STPG2: variants seen among roughly 807,000 people sequenced by gnomAD.
STPG2 encodes sperm-tail PG-rich repeat-containing protein 2.
A neutral mutation model predicts 54.2 loss-of-function variants in STPG2; 56 were observed. The observed-to-expected ratio is 1.03, with a 90% CI of 0.83 to 1.29. The LOEUF is 1.29. Ranked by LOEUF, STPG2 falls within the 50% of genes most tolerant of loss-of-function variation. The probability of loss-of-function intolerance (pLI) is 0.00; values close to 1 mark genes in which losing one functional copy is unlikely to be tolerated. For missense variants in STPG2, 596 were observed against 544.9 expected, an observed-to-expected ratio of 1.09 and a Z score of -0.93; for synonymous variants, 200 against 181.8, an observed-to-expected ratio of 1.10 and a Z score of -0.81.
intron 10 of STPG2, among the ~76,000 whole-genome samples, chr4:97,659,404 T>C (rs1383625314): frequency 6.7e-6 from 1 of 149,044 alleles, no homozygotes; most frequent in African/African-American, 2.5e-5. Flanking sequence ...ATCATTTCAT[T>C]TACAAAAATA....
At chr4:97,577,545 T>C (rs1732753444) in intron 10 of STPG2, among the ~76,000 whole-genome samples, 1 of 152,088 alleles carries the variant, frequency 6.6e-6, no homozygotes, top group Admixed American at 6.6e-5. Flanking sequence ...ACACATGGAC[T>C]TAAACATGGG....
chr4:97,848,877 G>A (rs1054542387), intron 8 of STPG2, among the ~76,000 whole-genome samples: 1 of 150,436 alleles, frequency 6.6e-6, no homozygotes, highest in African/African-American at 2.5e-5. Flanking sequence ...TTTGGTACCA[G>A]TACCATGCTG....
chr4:97,616,131 T>C (rs1179482760), intron 10 of STPG2, among the ~76,000 whole-genome samples: 1 of 39,788 alleles, frequency 2.5e-5, no homozygotes, highest in African/African-American at 4.5e-5. Flanking sequence ...AATAAAGCCA[T>C]GTTAAGTGCA....
intron 5 of STPG2, among the ~76,000 whole-genome samples, chr4:98,005,765 A>G (rs1474529402): frequency 6.6e-6 from 1 of 152,180 alleles, no homozygotes; most frequent in Non-Finnish European, 1.5e-5. Flanking sequence ...ATTTAATTTG[A>G]CTTGATAGTA....
At chr4:97,498,993 G>A (rs1179236139) in intron 4 of STPG2, among the ~76,000 whole-genome samples, 1 of 152,024 alleles carries the variant, frequency 6.6e-6, no homozygotes, top group African/African-American at 2.4e-5. Context: ...CTTAAGGAAT[G>A]ATGAGTCACA....
chr4:97,521,092 T>C (rs1435873934), intron 4 of STPG2, among the ~76,000 whole-genome samples: 1 of 152,072 alleles, frequency 6.6e-6, no homozygotes, highest in Non-Finnish European at 1.5e-5. Context: ...TACTCCACTG[T>C]TTGTTACTAT....
At chr4:98,084,590 T>C (rs1738450303) in intron 5 of STPG2, among the ~76,000 whole-genome samples, 1 of 152,160 alleles carries the variant, frequency 6.6e-6, no homozygotes, top group Non-Finnish European at 1.5e-5. Context: ...GTATGAAGAG[T>C]TCTAGTTGCT....
At chr4:97,903,841 T>C (rs969070029) in intron 8 of STPG2, among the ~76,000 whole-genome samples, 2 of 152,190 alleles carry the variant, frequency 1.3e-5, no homozygotes, top group African/African-American at 4.8e-5. Flanking sequence ...GGGTGACAGA[T>C]GGCACCTGGA....
At chr4:97,579,858 T>C (rs552079110) in intron 10 of STPG2, among the ~76,000 whole-genome samples, 1 of 152,172 alleles carries the variant, frequency 6.6e-6, no homozygotes, top group South Asian at 2.1e-4. Flanking sequence ...GACCAAATCT[T>C]TTATTGAAAC....
intron 4 of STPG2, among the ~76,000 whole-genome samples, chr4:97,465,878 G>T (rs1371398810): frequency 1.3e-5 from 2 of 152,032 alleles, no homozygotes; most frequent in African/African-American, 4.8e-5. Context: ...GAGACAGAGG[G>T]TGAACTGTAA....
chr4:97,568,272 T>C (rs1483969673), intron 10 of STPG2, among the ~76,000 whole-genome samples: 1 of 152,226 alleles, frequency 6.6e-6, no homozygotes, highest in Non-Finnish European at 1.5e-5. Context: ...GGTATTACCA[T>C]CCTGAAACTT....
At chr4:97,800,548 G>A (rs994022733) in intron 9 of STPG2, among the ~76,000 whole-genome samples, 7 of 152,164 alleles carry the variant, frequency 4.6e-5, no homozygotes, top group South Asian at 2.1e-4. Flanking sequence ...TGGAAGCTTC[G>A]TCTCAGAGTG....
At chr4:97,907,548 C>A (rs1731486707) in intron 8 of STPG2, among the ~76,000 whole-genome samples, 2 of 151,906 alleles carry the variant, frequency 1.3e-5, no homozygotes, top group Admixed American at 1.3e-4. Context: ...AAAAAAGAGC[C>A]TACATCGCCA....
chr4:98,052,780 A>G (rs1168245885), intron 5 of STPG2, among the ~76,000 whole-genome samples: 1 of 152,214 alleles, frequency 6.6e-6, no homozygotes, highest in Admixed American at 6.5e-5. Context: ...GCATTGAACC[A>G]ATGACCCATT....
chr4:97,470,083 G>T (rs570152543), intron 4 of STPG2, among the ~76,000 whole-genome samples: 4 of 152,210 alleles, frequency 2.6e-5, no homozygotes, highest in African/African-American at 9.6e-5. Context: ...ATTGTAGATG[G>T]TTTATGCTTA....
intron 4 of STPG2, among the ~76,000 whole-genome samples, chr4:97,458,516 T>TATTC (rs1560617263): frequency 6.6e-6 from 1 of 152,174 alleles, no homozygotes; most frequent in African/African-American, 2.4e-5. Flanking sequence ...ATATAGTATA[T>TATTC]ATTCATTATG....
intron 7 of STPG2, among the ~76,000 whole-genome samples, chr4:97,954,668 C>T (rs1003480785): frequency 2.8e-4 from 42 of 152,198 alleles, no homozygotes; most frequent in Admixed American, 5.9e-4. Context: ...TAAGTAATGG[C>T]AAAAATGTAA....
At chr4:97,943,541 G>A (rs35214820) in intron 8 of STPG2, among the ~76,000 whole-genome samples, 37,130 of 97,192 alleles carry the variant, frequency 0.38, 5,304 homozygotes, top group Middle Eastern at 0.52. Context: ...ATTTCAAGAC[G>A]AATTCCATTG....
intron 7 of STPG2, among the ~76,000 whole-genome samples, chr4:97,955,331 C>T (rs978507520): frequency 3.9e-5 from 6 of 151,928 alleles, no homozygotes; most frequent in African/African-American, 1.4e-4. Context: ...TCTCCTGCCT[C>T]AGCCTCCTGA....
Sources: gnomAD v4.1 joint callset for allele counts (sites outside exome capture counted in the v4.1 genomes callset) on GRCh38, gnomAD v4.1.1 for gene constraint, MANE v1.5 for transcripts, NCBI Gene and HGNC (gene_info 2026-07-23, HGNC 2026-07-21) for gene names.